The following PDXDC1 variants were observed in gnomAD, a reference collection of about 807,000 sequenced individuals.
PDXDC1 encodes pyridoxal-dependent decarboxylase domain-containing protein 1.
PDXDC1 carries 42 observed loss-of-function variants against 100.1 expected under a neutral mutation model. That is an observed-to-expected ratio of 0.42 (90% confidence interval 0.33 to 0.54). The LOEUF (loss-of-function observed/expected upper bound fraction) is 0.54, where lower values mean the gene tolerates loss of function less well. Ranked by LOEUF, PDXDC1 falls within the 20% of genes least tolerant of loss-of-function variation. The probability of loss-of-function intolerance (pLI) is 0.10; values close to 1 mark genes in which losing one functional copy is unlikely to be tolerated. For synonymous variants in PDXDC1, 260 were observed against 371.7 expected, an observed-to-expected ratio of 0.70 and a Z score of 3.46; for missense variants, 636 against 979.2, an observed-to-expected ratio of 0.65 and a Z score of 4.68.
At chr16:15,091,750 T>C (rs577760134) in intron 16 of PDXDC1, among the ~76,000 whole-genome samples, 19 of 152,312 alleles carry the variant, frequency 1.2e-4, no homozygotes, top group Non-Finnish European at 2.4e-4. Context: ...CATATAAACA[T>C]ATGGTTACTT....
At chr16:15,126,020 G>A in intron 16 of PDXDC1, 1 of 594,548 alleles carries the variant, frequency 1.7e-6, no homozygotes. Flanking sequence ...TGCAGCTAAG[G>A]AACAGAGTTT....
intron 11 of PDXDC1, 104 bp downstream of exon 11, chr16:15,017,526 A>C: frequency 1.3e-6 from 1 of 764,638 alleles, no homozygotes; most frequent in East Asian, 2.6e-5. Flanking sequence ...AAATACCCAT[A>C]ATTTCACTTC....
intron 1 of PDXDC1, among the ~76,000 whole-genome samples, chr16:14,985,942 T>A (rs564758146): frequency 2.0e-5 from 3 of 152,254 alleles, no homozygotes; most frequent in East Asian, 2.0e-4. Context: ...CTCCAAAAAA[T>A]TTTTAAAAAT....
chr16:15,032,702 A>C, intron 17 of PDXDC1, 159 bp from the exon 18 acceptor site: 1 of 520,538 alleles, frequency 1.9e-6, no homozygotes, highest in Non-Finnish European at 3.4e-6. Context: ...TACTCCTGGC[A>C]CACTTCCAGA....
intron 16 of PDXDC1, chr16:15,086,408 A>C (rs779705782): frequency 6.2e-7 from 1 of 1,613,764 alleles, no homozygotes; most frequent in Admixed American, 1.7e-5. Context: ...TGTCAAGTAC[A>C]TGATAGAAGA....
intron 14 of PDXDC1, among the ~76,000 whole-genome samples, chr16:15,026,970 TAAA>T (rs1450261166): frequency 6.6e-6 from 1 of 152,262 alleles, no homozygotes; most frequent in African/African-American, 2.4e-5. Flanking sequence ...TGCTTGAACA[TAAA>T]GATTTGTGGG....
intron 16 of PDXDC1, chr16:15,131,529 C>A: frequency 1.2e-6 from 2 of 1,609,276 alleles, no homozygotes; most frequent in Non-Finnish European, 1.7e-6. Context: ...GGGCCACGAT[C>A]TCCTCGCCCG....
the PDXDC1 span, among the ~76,000 whole-genome samples, chr16:15,144,595 C>T: frequency 4.6e-5 from 7 of 152,234 alleles, no homozygotes; most frequent in South Asian, 6.2e-4. Context: ...TGAGACTAGC[C>T]GGGGAGCCCC....
intron 16 of PDXDC1, among the ~76,000 whole-genome samples, chr16:15,051,046 T>C (rs1375737643): frequency 1.4e-4 from 21 of 152,238 alleles, no homozygotes. Context: ...TGCCTCATCT[T>C]AGTTCAGAAT....
chr16:15,111,481 C>T (rs2047060118), intron 16 of PDXDC1, among the ~76,000 whole-genome samples: 2 of 144,058 alleles, frequency 1.4e-5, no homozygotes, highest in African/African-American at 5.1e-5. Context: ...AAAAATAGGC[C>T]AGGTGTGGTA....
intron 16 of PDXDC1, among the ~76,000 whole-genome samples, chr16:15,095,874 GTGT>G (rs2046339726): frequency 6.7e-6 from 1 of 149,794 alleles, no homozygotes; most frequent in African/African-American, 2.4e-5. Context: ...GTGTGTGTGT[GTGT>G]GTGTGTGTGT....
intron 18 of PDXDC1, 107 bp downstream of exon 18, chr16:15,033,086 G>A (rs1362453315): frequency 1.2e-5 from 12 of 976,750 alleles, no homozygotes; most frequent in Non-Finnish European, 1.8e-5. Flanking sequence ...CTCGGGCTGG[G>A]TTCCAGGCGA....
intron 16 of PDXDC1, among the ~76,000 whole-genome samples, chr16:15,090,780 G>A (rs1213633883): frequency 6.6e-6 from 1 of 151,894 alleles, no homozygotes; most frequent in African/African-American, 2.4e-5. Flanking sequence ...CTTCAAAACT[G>A]GGCAGTAAAG....
chr16:15,072,144 C>T (rs1252405984), intron 16 of PDXDC1, among the ~76,000 whole-genome samples: 1 of 151,716 alleles, frequency 6.6e-6, no homozygotes, highest in Non-Finnish European at 1.5e-5. Flanking sequence ...TGTGGGCAGA[C>T]TGAATTCAAC....
At chr16:14,984,154 C>G (rs544845096) in intron 1 of PDXDC1, among the ~76,000 whole-genome samples, 11 of 151,962 alleles carry the variant, frequency 7.2e-5, no homozygotes, top group African/African-American at 2.7e-4. Flanking sequence ...AGAGTGAGAC[C>G]CTGTCTCAGA....
chr16:15,112,246 G>A (rs1466663996), intron 16 of PDXDC1, among the ~76,000 whole-genome samples: 4 of 148,572 alleles, frequency 2.7e-5, no homozygotes, highest in Admixed American at 6.8e-5. Context: ...TTCTTGAGAC[G>A]GAGTGTCAGT....
chr16:15,136,790 G>C (rs2151929919), intron 16 of PDXDC1: 1 of 1,500,784 alleles, frequency 6.7e-7, no homozygotes, highest in East Asian at 2.3e-5. Context: ...CGGTCAGTGT[G>C]GGCCCAAGAC....
At chr16:15,014,326 CAT>C (rs1420305782) in intron 8 of PDXDC1, among the ~76,000 whole-genome samples, 1 of 152,296 alleles carries the variant, frequency 6.6e-6, no homozygotes, top group Non-Finnish European at 1.5e-5. Context: ...TATTCAATCA[CAT>C]GATAAACTGG....
chr16:15,040,436 A>G (rs950666103), downstream of PDXDC1: 1 of 213,094 alleles, frequency 4.7e-6, no homozygotes, highest in African/African-American at 2.3e-5. Context: ...ACAATTTAGT[A>G]TTTTATACAT....
Sources: gnomAD v4.1 joint callset for allele counts (sites outside exome capture counted in the v4.1 genomes callset) on GRCh38, gnomAD v4.1.1 for gene constraint, MANE v1.5 for transcripts, NCBI Gene and HGNC (gene_info 2026-07-23, HGNC 2026-07-21) for gene names.